The following UGT1A4 variants were observed in gnomAD, a reference collection of about 807,000 sequenced individuals.
The protein encoded by UGT1A4 is UDP glucuronosyltransferase family 1 member A4.
A neutral mutation model predicts 41.1 loss-of-function variants in UGT1A4; 32 were observed. The ratio of observed to expected loss-of-function variants is 0.78; its 90% CI spans 0.59 to 1.05. UGT1A4 has a LOEUF of 1.05. Ranked by LOEUF, UGT1A4 falls within the 50% of genes least tolerant of loss-of-function variation. UGT1A4 has a pLI of 0.00. For synonymous variants in UGT1A4, 283 were observed against 265.1 expected (o/e 1.07, Z -0.66); for missense variants, 748 against 677.4 (o/e 1.10, Z -1.16).
In UGT1A4 at chr2:233,772,555, A is replaced by C. The variant is rs1350310639; in HGVS notation, c.1601A>C (p.His534Pro). 3 of 1,613,990 alleles carry C rather than the reference A, an allele frequency of 1.9e-6. No homozygotes were observed. Among genetic ancestry groups the C allele is most frequent in the East Asian group, 4.5e-5 (2 of 44,878 alleles). Residue 534 changes from histidine (H) to proline (P), a missense_variant, in exon 5 of 5, where the codon CAT becomes CCT. By Grantham distance (77) the His-to-Pro change is moderately conservative (BLOSUM62 -2). Coordinates refer to ENST00000373409, the MANE Select transcript of UGT1A4 (RefSeq NM_007120.3). ...AAGAAAGCCCACAAATCCAAGACCCATTGAGAAGTGGGTGGGAAATAAGGT... is the reference window on the plus strand; with the variant it reads ...AAGAAAGCCCACAAATCCAAGACCCCTTGAGAAGTGGGTGGGAAATAAGGT... Reference protein sequence around the residue: ...RVKKAHKSKTH With the variant: ...RVKKAHKSKTP
chr2:233,743,846 C>T lies in UGT1A4; in HGVS notation c.868-23188C>T, dbSNP rs779214397. On this transcript the variant is annotated intron_variant, in intron 1 of 4. Transcript: ENST00000373409. ...GGGGTGCCACTTGAGCGCCAGCTTG[C>T]GGTACGCCTTCTTGATGGCCTCGGA... 13 of 1,367,112 alleles carry T rather than the reference C, an allele frequency of 9.5e-6. No individual in the cohort carries two copies. The Admixed American group carries it at 1.1e-4, about 12-fold the overall frequency. The allele number at this position is 1,367,112 out of a possible 1,614,324, so 84.7% of individuals were successfully genotyped here.
intron 1 of UGT1A4, chr2:233,743,033 G>A: frequency 3.8e-6 from 1 of 265,158 alleles, no homozygotes; most frequent in Non-Finnish European, 7.4e-6. Context: ...ACAAACAGAG[G>A]TCCTATCCGT....
chr2:233,748,214 G>A, intron 1 of UGT1A4: 1 of 1,480,602 alleles, frequency 6.8e-7, no homozygotes, highest in Non-Finnish European at 9.1e-7. Flanking sequence ...AGCCTTCAGT[G>A]AGATAAACTG....
At chr2:233,766,090 G>A (rs1699047199) in intron 1 of UGT1A4, among the ~76,000 whole-genome samples, 1 of 152,166 alleles carries the variant, frequency 6.6e-6, no homozygotes, top group Admixed American at 6.5e-5. Flanking sequence ...CAAGGACAGA[G>A]GGCTTTCTGT....
intron 1 of UGT1A4, among the ~76,000 whole-genome samples, chr2:233,730,736 G>A (rs896842159): frequency 4.6e-5 from 7 of 152,232 alleles, no homozygotes; most frequent in Non-Finnish European, 2.9e-5. Flanking sequence ...TGGCGGAAGG[G>A]GCTAGGGAGG....
At position 233,739,624 on chromosome 2, in the gene UGT1A4, T is replaced by A. The variant is rs572450028; in HGVS notation, c.867+19937T>A. On this transcript the variant is annotated intron_variant, in intron 1 of 4. Transcript: ENST00000373409. ...TTTGTTTTGGCCAGTTTCTCCCATT[T>A]GAAATGGGAACATTTACCCAATTTC... is the stretch of plus-strand genomic sequence containing the variant. 4.6e-5 allele frequency among the ~76,000 whole-genome samples: 7 copies of A among 152,364 alleles called. No individual in the cohort carries two copies. The East Asian group carries it at 1.2e-3, about 25-fold the overall frequency.
chr2:233,757,806 A>G (rs1052183239), intron 1 of UGT1A4, among the ~76,000 whole-genome samples: 1 of 151,788 alleles, frequency 6.6e-6, no homozygotes, highest in Non-Finnish European at 1.5e-5. Context: ...AGGAGATGAA[A>G]GGAGCTGGTA....
intron 1 of UGT1A4, among the ~76,000 whole-genome samples, chr2:233,726,638 A>G (rs1268370501): frequency 1.3e-5 from 2 of 152,164 alleles, no homozygotes; most frequent in Admixed American, 6.6e-5. Context: ...CAATCTCCCC[A>G]TCTTAAAACT....
chr2:233,740,991 G>A (rs1484591250), intron 1 of UGT1A4: 3 of 151,764 alleles, frequency 2.0e-5, no homozygotes, highest in African/African-American at 7.3e-5. Flanking sequence ...GAATGCTGAG[G>A]AGGAAGGATC....
rs35915271 is a variant in UGT1A4 at position 233,764,965 on chromosome 2, A to T, written c.868-2069A>T. On this transcript the variant is annotated intron_variant, in intron 1 of 4. Coordinates refer to ENST00000373409, the MANE Select transcript of UGT1A4 (RefSeq NM_007120.3). ...GCGGGGAGAGAGGGCTCACCTTGGG[A>T]GAAGGATGGTCAGTGTCTGGGGCTT... Among the ~76,000 whole-genome samples the T allele has an allele frequency of 1.4e-3, 217 of 150,630 alleles. 1 individual carries two copies. The highest frequency in any genetic ancestry group is 5.0e-3 in the African/African-American group (206 of 40,976).
intron 1 of UGT1A4, chr2:233,755,386 C>T (rs879759511): frequency 8.4e-5 from 29 of 346,256 alleles, no homozygotes; most frequent in South Asian, 2.1e-4. Flanking sequence ...CCCCTTATGA[C>T]GCAGCCACAT....
intron 4 of UGT1A4, chr2:233,771,316 C>G (rs936355212): frequency 6.6e-6 from 1 of 152,132 alleles, no homozygotes; most frequent in Non-Finnish European, 1.5e-5. Context: ...TTTCCCTCTC[C>G]TCTTCAATCT....
chr2:233,744,535 T>A (rs2125863859), intron 1 of UGT1A4, among the ~76,000 whole-genome samples: 1 of 152,076 alleles, frequency 6.6e-6, no homozygotes, highest in East Asian at 1.9e-4. Flanking sequence ...TATTTTTATG[T>A]AAATTTTATT....
At chr2:233,720,570 T>C (rs1325667267) in intron 1 of UGT1A4, among the ~76,000 whole-genome samples, 1 of 152,076 alleles carries the variant, frequency 6.6e-6, no homozygotes, top group Non-Finnish European at 1.5e-5. Flanking sequence ...GGATCTATTC[T>C]TTTTCCAAAA....
rs765612353 is a variant in UGT1A4 at position 233,772,386 on chromosome 2, G to T, written c.1432G>T (p.Ala478Ser). The T allele has an allele frequency of 6.2e-7, 1 of 1,614,110 alleles. No homozygotes were observed. Among genetic ancestry groups the T allele is most frequent in the Non-Finnish European group, 8.5e-7 (1 of 1,180,046 alleles). The change falls in exon 5 of 5, where the codon GCA becomes TCA. Residue 478 changes from alanine (A) to serine (S), a missense_variant. Coordinates refer to ENST00000373409, the MANE Select transcript of UGT1A4 (RefSeq NM_007120.3). Reference sequence around the variant, plus strand: ...CAAGGGCGCGCCACACCTGCGCCCCGCAGCCCACGACCTCACCTGGTACCA... The same window carrying T: ...CAAGGGCGCGCCACACCTGCGCCCCTCAGCCCACGACCTCACCTGGTACCA... ...RHKGAPHLRP[A>S]AHDLTWYQYH...
Position 233,760,648 on chromosome 2 carries a change from G to C in UGT1A4, c.868-6386G>C, listed in dbSNP as rs1697515818. The C allele has an allele frequency of 6.2e-7, 1 of 1,614,206 alleles. No homozygotes were observed. Among genetic ancestry groups the C allele is most frequent in the African/African-American group, 1.3e-5 (1 of 75,044 alleles). On this transcript the variant is annotated intron_variant, in intron 1 of 4. Coordinates refer to ENST00000373409, the MANE Select transcript of UGT1A4 (RefSeq NM_007120.3). ...ATACAAGAAAATAAAAAAGGACTCT[G>C]CTATGCTTTTGTCTGGCTGTTCCCA...
chr2:233,729,850 G>A (rs916795505), intron 1 of UGT1A4: 7 of 1,613,752 alleles, frequency 4.3e-6, no homozygotes, highest in African/African-American at 1.3e-5. Context: ...TTTTCAGAGA[G>A]AGGTGTCAGT....
chr2:233,744,585 T>G (rs560652902), intron 1 of UGT1A4, among the ~76,000 whole-genome samples: 1 of 151,910 alleles, frequency 6.6e-6, no homozygotes, highest in Non-Finnish European at 1.5e-5. Context: ...CGTTTTACAG[T>G]TTTTGCATCT....
At chr2:233,741,248 A>G (rs997599929) in intron 1 of UGT1A4, among the ~76,000 whole-genome samples, 1 of 152,014 alleles carries the variant, frequency 6.6e-6, no homozygotes, top group East Asian at 1.9e-4. Context: ...TGACACTGGT[A>G]TGCCACTCTT....
Sources: allele counts gnomAD v4.1 joint callset (sites outside exome capture counted in the v4.1 genomes callset), GRCh38; gene constraint gnomAD v4.1.1; transcripts MANE v1.5; gene names NCBI Gene and HGNC (gene_info 2026-07-23, HGNC 2026-07-21).